The following TERT variants were observed in gnomAD, a reference collection of about 807,000 sequenced individuals.
TERT encodes telomerase catalytic subunit.
In TERT, 42 loss-of-function variants were observed where a neutral mutation model predicts 104.0. That is an observed-to-expected ratio of 0.40 (90% CI 0.32 to 0.52). TERT has a LOEUF of 0.52. Among genes scored for constraint, TERT ranks in the 20% least tolerant of loss-of-function variants. The pLI is 0.43. For synonymous variants in TERT, 781 were observed against 725.6 expected (o/e 1.08, Z -1.23); for missense variants, 1,101 against 1,610.3 (o/e 0.68, Z 5.41).
chr5:1,294,314 C>G lies in TERT; in HGVS notation c.572G>C (p.Ser191Thr), dbSNP rs11952056. Reference sequence around the variant, plus strand: ...GCATCCCAGACGCCTTCGGGGTCCACTAGCGTGTGGCGGGGGCCGGGCCTG... The same window carrying G: ...GCATCCCAGACGCCTTCGGGGTCCAGTAGCGTGTGGCGGGGGCCGGGCCTG... ...ATQARPPPHA[S>T]GPRRRLGCER... The change falls in exon 2 of 16, where the codon AGT becomes ACT. Residue 191 changes from serine to threonine, a missense_variant. Physicochemically the swap from Ser to Thr is moderately conservative, Grantham distance 58 (BLOSUM62 1). This residue lies in a region of TERT where 504 missense variants were observed against 544.6 expected (regional missense o/e 0.93). Transcript: ENST00000310581. 311 of 1,591,576 alleles carry G rather than the reference C, an allele frequency of 2.0e-4. 1 individual carries two copies. In the African/African-American group the frequency reaches 3.7e-3, roughly 19 times the overall value.
rs886059906 is a variant in TERT, at chr5:1,294,006, G to A, written c.880C>T (p.His294Tyr). Residue 294 changes from histidine (H) to tyrosine (Y), a missense_variant, in exon 2 of 16, where the codon CAC becomes TAC. This residue lies in a region of TERT where 504 missense variants were observed against 544.6 expected (regional missense o/e 0.93). Coordinates refer to ENST00000310581, the MANE Select transcript of TERT (RefSeq NM_198253.3). Reference protein sequence around the residue: ...SLEGALSGTRHSHPSVGRQHH... With the variant: ...SLEGALSGTRYSHPSVGRQHH... ...TGGCGGCCCACGGATGGGTGGGAGTGGCGCGTGCCAGAGAGCGCACCCTCC... is the reference window on the plus strand; with the variant it reads ...TGGCGGCCCACGGATGGGTGGGAGTAGCGCGTGCCAGAGAGCGCACCCTCC... The A allele has an allele frequency of 1.4e-5, 22 of 1,581,518 alleles. No individual in the cohort carries two copies. Among genetic ancestry groups the A allele is most frequent in the Non-Finnish European group, 1.6e-5 (19 of 1,166,928 alleles).
At chr5:1,254,023 G>A (rs931983343) in intron 15 of TERT, among the ~76,000 whole-genome samples, 192 bp from the exon 16 acceptor site, 4 of 152,212 alleles carry the variant, frequency 2.6e-5, no homozygotes, top group Non-Finnish European at 4.4e-5. Context: ...CTGGAGCGGC[G>A]GGGCGGGGAG....
chr5:1,273,824 C>T lies in TERT; in HGVS notation c.2287-1544G>A, dbSNP rs201833995. Among the ~76,000 whole-genome samples, 11 of 147,096 alleles carry T rather than the reference C, an allele frequency of 7.5e-5. 2 individuals are homozygous for T. The East Asian group carries it at 1.1e-3, about 14-fold the overall frequency. ...CCACAGTCACCACACATCAGACCCC[C>T]GTGACCGACTGCCATCCACAGTCAC... On this transcript the variant is annotated intron_variant, in intron 6 of 15. Coordinates refer to ENST00000310581, the MANE Select transcript of TERT (RefSeq NM_198253.3).
In TERT at chr5:1,264,393, G is replaced by C. The variant is rs749429123; in HGVS notation, c.2843+11C>G. 3.7e-6 allele frequency: 6 copies of C among 1,608,694 alleles called. No homozygotes were observed. The highest frequency in any genetic ancestry group is 1.3e-5 in the African/African-American group (1 of 74,866). On this transcript the variant is annotated intron_variant, in intron 11 of 15. Coordinates refer to ENST00000310581, the MANE Select transcript of TERT (RefSeq NM_198253.3). The stretch of plus-strand genomic sequence containing the variant: ...CGGGCACAGGCTCCACTTCCGGCCA[G>C]GTGCGCTCACCTGGAGTAGTCGCTC...
In TERT at chr5:1,294,615, G is replaced by A. The variant is rs1751268783; in HGVS notation, c.271C>T (p.Arg91Cys). The change falls in exon 2 of 16, where the codon CGC becomes TGC. Residue 91 changes from arginine to cysteine, a missense_variant. Physicochemically the swap from Arg to Cys is radical, Grantham distance 180. This residue lies in a region of TERT where 87 missense variants were observed against 145.4 expected (regional missense o/e 0.60). Transcript: ENST00000310581. ...VARVLQRLCERGAKNVLAFGF... is the reference protein window; with the variant it reads ...VARVLQRLCECGAKNVLAFGF... ...AAGGCCAGCACGTTCTTCGCGCCGC[G>A]CTCGCACAGCCTCTGCAGCACTCGG... 1 of 1,595,778 alleles carries A rather than the reference G, an allele frequency of 6.3e-7. No homozygotes were observed. The highest frequency in any genetic ancestry group is 8.5e-7 in the Non-Finnish European group (1 of 1,178,770).
intron 2 of TERT, among the ~76,000 whole-genome samples, chr5:1,285,107 C>T (rs1009376770): frequency 1.3e-5 from 1 of 79,538 alleles, no homozygotes; most frequent in African/African-American, 4.4e-5. Flanking sequence ...ACATCCAGCT[C>T]ACAGCAGGGC....
intron 11 of TERT, among the ~76,000 whole-genome samples, chr5:1,264,065 G>A (rs1748415730): frequency 6.6e-6 from 1 of 151,768 alleles, no homozygotes; most frequent in Non-Finnish European, 1.5e-5. Context: ...CAGGGCCCCT[G>A]TGTTTCGGGT....
rs767166646 is a variant in TERT at position 1,280,313 on chromosome 5, G to A, written c.1795C>T (p.Arg599Trp). The change falls in exon 4 of 16, where the codon CGG becomes TGG. Residue 599 changes from arginine (R) to tryptophan (W), a missense_variant. This residue lies in a region of TERT where 463 missense variants were observed against 797.5 expected (regional missense o/e 0.58). Transcript: ENST00000310581. ...IRQHLKRVQL[R>W]ELSEAEVRQH... ...CTGACCTCTGCTTCCGACAGCTCCC[G>A]CAGCTGCACCCTCTTCAAGTGCTGT... is the stretch of plus-strand genomic sequence containing the variant. The A allele has an allele frequency of 1.9e-6, 3 of 1,613,328 alleles. No individual in the cohort carries two copies. Among genetic ancestry groups the A allele is most frequent in the African/African-American group, 1.3e-5 (1 of 74,938 alleles).
intron 1 of TERT, 45 bp from the exon 2 acceptor site, chr5:1,294,711 T>A (rs761456076): frequency 6.3e-7 from 1 of 1,577,586 alleles, no homozygotes; most frequent in Admixed American, 1.7e-5. Flanking sequence ...TCTCCGCATG[T>A]CGCTGGTTCC....
rs1172183199 is a variant in TERT, at chr5:1,270,933, C to T, written c.2468+186G>A. On this transcript the variant is annotated intron_variant, in intron 8 of 15. Coordinates refer to ENST00000310581, the MANE Select transcript of TERT (RefSeq NM_198253.3). The surrounding 1 kb of genome is among the most constrained non-coding windows in gnomAD (Gnocchi z 8.3). Reference sequence around the variant, plus strand: ...CTGCTCCGCTCCGGCTGCCGCAAGCCGAGCCATGTTTCCGGGGCCTCGGGA... The same window carrying T: ...CTGCTCCGCTCCGGCTGCCGCAAGCTGAGCCATGTTTCCGGGGCCTCGGGA... 2.0e-5 allele frequency among the ~76,000 whole-genome samples: 3 copies of T among 152,238 alleles called. No homozygotes were observed. Among genetic ancestry groups the T allele is most frequent in the East Asian group, 1.9e-4 (1 of 5,188 alleles).
rs1029723278 is a variant in TERT at position 1,265,072 on chromosome 5, G to C, written c.2655-480C>G. On this transcript the variant is annotated intron_variant, in intron 10 of 15. Coordinates refer to ENST00000310581, the MANE Select transcript of TERT (RefSeq NM_198253.3). The surrounding 1 kb of genome is among the most constrained non-coding windows in gnomAD (Gnocchi z 6.9). ...TGCTTTAGACAAAGGGGAGGGTTCT[G>C]AGTTCCTGCTCAGGCGCGGGACCTG... Among the ~76,000 whole-genome samples, 1 of 152,246 alleles carries C rather than the reference G, an allele frequency of 6.6e-6. No individual in the cohort carries two copies. The highest frequency in any genetic ancestry group is 1.5e-5 in the Non-Finnish European group (1 of 68,048).
chr5:1,267,871 T>A (rs1030710857), intron 9 of TERT, among the ~76,000 whole-genome samples: 1 of 151,976 alleles, frequency 6.6e-6, no homozygotes, highest in South Asian at 2.1e-4. Flanking sequence ...CATTAGGAGA[T>A]ATACCTAATG....
chr5:1,253,794 C>T lies in TERT; in HGVS notation c.3333G>A (p.Thr1111=), dbSNP rs200102606. The T allele has an allele frequency of 1.6e-4, 259 of 1,611,760 alleles. 1 individual carries two copies. Among genetic ancestry groups the T allele is most frequent in the Admixed American group, 1.1e-3 (68 of 59,900 alleles). ...TGGCTGCGGCCTCCAGGGCAGTCAG[C>T]GTCGTCCCCGGGAGCTTCCGACTCA... ...TQLSRKLPGT[T]LTALEAAANP... is the part of the protein sequence containing the mutation. Residue 1111 remains threonine (T), a synonymous_variant, in exon 16 of 16, where the codon ACG becomes ACA. Transcript: ENST00000310581.
At chr5:1,272,323 C>G (rs778024053) in intron 6 of TERT, 43 bp from the exon 7 acceptor site, 1 of 1,532,182 alleles carries the variant, frequency 6.5e-7, no homozygotes, top group Non-Finnish European at 9.0e-7. Flanking sequence ...TGTGGCCTGC[C>G]CCGGCCAGAG....
rs968293761 is a variant in TERT at position 1,263,921 on chromosome 5, T to G, written c.2843+483A>C. Among the ~76,000 whole-genome samples the G allele has an allele frequency of 2.8e-4, 43 of 152,176 alleles. No homozygotes were observed. The highest frequency in any genetic ancestry group is 5.6e-4 in the Non-Finnish European group (38 of 68,036). On this transcript the variant is annotated intron_variant, in intron 11 of 15. Transcript: ENST00000310581. The surrounding 1 kb of genome is among the most constrained non-coding windows in gnomAD (Gnocchi z 5.3). Reference sequence around the variant, plus strand: ...CATGAACTCATGGCATCCTGTAGACTGTGGATGAGCCTTGGAGTGTGGGGC... The same window carrying G: ...CATGAACTCATGGCATCCTGTAGACGGTGGATGAGCCTTGGAGTGTGGGGC...
chr5:1,258,260 C>A (rs1747893554), intron 13 of TERT, among the ~76,000 whole-genome samples: 1 of 152,258 alleles, frequency 6.6e-6, no homozygotes, highest in Non-Finnish European at 1.5e-5. Flanking sequence ...TGTTCAGACA[C>A]CTTCCCAGCC....
intron 10 of TERT, 102 bp from the exon 11 acceptor site, chr5:1,264,694 G>C (rs1035294134): frequency 7.1e-7 from 1 of 1,414,622 alleles, no homozygotes; most frequent in Admixed American, 1.7e-5. Flanking sequence ...GAGAAGTGGT[G>C]ATTTGGAGCA....
chr5:1,277,945 T>C (rs894595293), intron 6 of TERT, among the ~76,000 whole-genome samples: 7 of 152,248 alleles, frequency 4.6e-5, no homozygotes, highest in Admixed American at 6.5e-5. Flanking sequence ...CCAGGGCCCC[T>C]TTCACCCCTG....
In TERT at chr5:1,288,736, C is replaced by G. The variant is rs1750644426; in HGVS notation, c.1573+4577G>C. The stretch of plus-strand genomic sequence containing the variant: ...ACACGTGGCAGCAGACACAGGCAGC[C>G]CAGAGTCCAGCCTCGGCATGAGACA... On this transcript the variant is annotated intron_variant, in intron 2 of 15. Coordinates refer to ENST00000310581, the MANE Select transcript of TERT (RefSeq NM_198253.3). This position sits in a 1 kb window ranked among gnomAD's most constrained non-coding sequence, Gnocchi z 5.3. Among the ~76,000 whole-genome samples the G allele has an allele frequency of 1.3e-5, 2 of 152,166 alleles. No homozygotes were observed. The highest frequency in any genetic ancestry group is 1.3e-4 in the Admixed American group (2 of 15,276).
Sources: gnomAD v4.1 joint callset for allele counts (sites outside exome capture counted in the v4.1 genomes callset) on GRCh38, gnomAD v4.1.1 for gene constraint, gnomAD v4.1.1 regional missense constraint, Gnocchi (gnomAD v3.1) non-coding constraint, MANE v1.5 for transcripts, NCBI Gene and HGNC (gene_info 2026-07-23, HGNC 2026-07-21) for gene names.